Variants in ZMAT5 observed in about 807,000 individuals in gnomAD.
ZMAT5 encodes the protein zinc finger matrin-type 5.
In ZMAT5, 23 loss-of-function variants were observed where a neutral mutation model predicts 28.0. The observed-to-expected ratio is 0.82, with a 90% CI of 0.59 to 1.16. The LOEUF (loss-of-function observed/expected upper bound fraction) is 1.16. ZMAT5 is among the 50% of genes most tolerant of loss of function. The pLI is 0.00. For missense variants in ZMAT5, 173 were observed against 212.7 expected (o/e 0.81, Z 1.16); for synonymous variants, 76 against 84.1 (o/e 0.90, Z 0.52).
intron 5 of ZMAT5, among the ~76,000 whole-genome samples, chr22:29,735,707 T>G (rs1347464401): frequency 1.3e-5 from 2 of 152,154 alleles, no homozygotes; most frequent in Non-Finnish European, 2.9e-5. Flanking sequence ...GGTGCCAATC[T>G]CCCTGAATGC....
chr22:29,756,908 G>A (rs1193334708), intron 1 of ZMAT5, among the ~76,000 whole-genome samples: 2 of 152,094 alleles, frequency 1.3e-5, no homozygotes, highest in African/African-American at 4.8e-5. Context: ...GCATGATGGT[G>A]CATGCCTGTA....
At position 29,740,796 on chromosome 22, in the gene ZMAT5, C is replaced by G; in HGVS notation, c.191-66G>C. 4 of 1,429,696 alleles carry G rather than the reference C, an allele frequency of 2.8e-6. 1 individual carries two copies. The South Asian group carries it at 4.9e-5, about 17-fold the overall frequency. The allele number at this position is 1,429,696 out of a possible 1,614,324, so 88.6% of individuals were successfully genotyped here. ...CTCCCCACAGGGGCTGAGGGGTGCCCAGATGAGGGATCCCAGAATCTTAGG... is the reference window on the plus strand; with the variant it reads ...CTCCCCACAGGGGCTGAGGGGTGCCGAGATGAGGGATCCCAGAATCTTAGG... On this transcript the variant is annotated intron_variant, in intron 3 of 5. Transcript: ENST00000344318.
intron 2 of ZMAT5, among the ~76,000 whole-genome samples, chr22:29,745,905 T>C (rs1014465737): frequency 3.3e-5 from 5 of 152,240 alleles, no homozygotes; most frequent in African/African-American, 1.2e-4. Flanking sequence ...AAAGAGGTCA[T>C]GTGCCAGCTT....
chr22:29,762,486 G>A (rs953840087), intron 1 of ZMAT5, among the ~76,000 whole-genome samples: 2 of 152,110 alleles, frequency 1.3e-5, no homozygotes, highest in Non-Finnish European at 2.9e-5. Context: ...CCTGAGCTTC[G>A]TCTCCTGTCA....
chr22:29,748,479 C>T lies in ZMAT5; in HGVS notation c.66G>A (p.Lys22=). 6.2e-7 allele frequency: 1 copy of T among 1,614,254 alleles called. No homozygotes were observed. The highest frequency in any genetic ancestry group is 8.5e-7 in the Non-Finnish European group (1 of 1,180,038). ...GGTGCTGCAGCCCGTTCAGGTGCTT[C>T]TTGCGGTTGTGGAGGTTGTCCTGGA... is the stretch of plus-strand genomic sequence containing the variant. The part of the protein sequence containing the change: ...RSFQDNLHNR[K]KHLNGLQHLK... Residue 22 remains lysine, a synonymous_variant, in exon 2 of 6, where the codon AAG becomes AAA. Transcript: ENST00000344318.
intron 5 of ZMAT5, among the ~76,000 whole-genome samples, chr22:29,733,583 A>T (rs1418923894): frequency 1.3e-5 from 2 of 152,178 alleles, no homozygotes; most frequent in African/African-American, 4.8e-5. Flanking sequence ...GAGATTTCAT[A>T]AACTCCACCA....
At chr22:29,752,860 AC>A (rs2068067046) in intron 1 of ZMAT5, among the ~76,000 whole-genome samples, 1 of 151,998 alleles carries the variant, frequency 6.6e-6, no homozygotes, top group South Asian at 2.1e-4. Context: ...CTTTCTATCT[AC>A]CTGTCACAGA....
intron 4 of ZMAT5, among the ~76,000 whole-genome samples, chr22:29,739,212 A>AT (rs2067938200): frequency 6.6e-6 from 1 of 151,498 alleles, no homozygotes; most frequent in Non-Finnish European, 1.5e-5. Flanking sequence ...TGCTCAACGA[A>AT]TTAAAACCAA....
At chr22:29,762,142 A>G (rs2068163298) in intron 1 of ZMAT5, among the ~76,000 whole-genome samples, 1 of 152,248 alleles carries the variant, frequency 6.6e-6, no homozygotes, top group Non-Finnish European at 1.5e-5. Context: ...AATCAAATAT[A>G]TTAAATTTAC....
At chr22:29,744,892 C>A (rs1230580729) in intron 2 of ZMAT5, among the ~76,000 whole-genome samples, 2 of 152,236 alleles carry the variant, frequency 1.3e-5, no homozygotes, top group Non-Finnish European at 2.9e-5. Flanking sequence ...CACGAGGAAG[C>A]CCATGCTCTT....
At chr22:29,734,827 CGCCCCA>C (rs140109) in intron 5 of ZMAT5, among the ~76,000 whole-genome samples, 84,445 of 151,206 alleles carry the variant, frequency 0.56, 23,787 homozygotes, top group East Asian at 0.61. Context: ...GAGGGTCCCC[CGCCCCA>C]GCCCCAGCCC....
At chr22:29,744,636 T>C (rs1357265611) in intron 2 of ZMAT5, among the ~76,000 whole-genome samples, 1 of 152,108 alleles carries the variant, frequency 6.6e-6, no homozygotes, top group African/African-American at 2.4e-5. Context: ...CTGGGTCCTA[T>C]ACAAGGGGCT....
intron 2 of ZMAT5, chr22:29,747,734 C>T (rs1397370294): frequency 6.3e-6 from 1 of 159,032 alleles, no homozygotes; most frequent in Non-Finnish European, 1.4e-5. Context: ...CACTTCCGAC[C>T]TTAGCTCATT....
At chr22:29,738,248 T>C (rs577937396) in intron 5 of ZMAT5, 82 bp downstream of exon 5, 1 of 1,333,008 alleles carries the variant, frequency 7.5e-7, no homozygotes, top group South Asian at 1.2e-5. Context: ...TTCATGGAGA[T>C]TCCTGAGCCT....
At chr22:29,755,332 AGAG>A (rs1250993281) in intron 1 of ZMAT5, among the ~76,000 whole-genome samples, 18 of 42,908 alleles carry the variant, frequency 4.2e-4, no homozygotes, top group Admixed American at 2.6e-3. Flanking sequence ...GAAAGGAGAG[AGAG>A]AGAGAGGGAG....
In ZMAT5 at chr22:29,748,627, A is replaced by C. The variant is rs552719947; in HGVS notation, c.-27-56T>G. 3.9e-4 allele frequency: 623 copies of C among 1,592,148 alleles called. 1 individual carries two copies. The highest frequency in any genetic ancestry group is 3.5e-4 in the Non-Finnish European group (413 of 1,169,374). On this transcript the variant is annotated intron_variant, in intron 1 of 5. Coordinates refer to ENST00000344318, the MANE Select transcript of ZMAT5 (RefSeq NM_001003692.2). ...CATTGGAGAAAACACATCCCTCACC[A>C]GCCCACTGAATGCTTCCTGAGGGCC...
chr22:29,731,132 A>G lies in ZMAT5; in HGVS notation c.*93T>C. ...AGTGAGGCTGGGCAGATGGTCTCGG[A>G]GCCTCCATGGGGCGTAGCAGGAACC... On this transcript the variant is annotated 3_prime_UTR_variant, in exon 6 of 6. Transcript: ENST00000344318. The G allele has an allele frequency of 7.4e-7, 1 of 1,345,264 alleles. No homozygotes were observed. Among genetic ancestry groups the G allele is most frequent in the South Asian group, 1.8e-5 (1 of 56,332 alleles). The allele number at this position is 1,345,264 out of a possible 1,614,324, so 83.3% of individuals were successfully genotyped here. A position where few individuals can be genotyped will look rare whatever the true frequency, so the allele number is the denominator to read the frequency against.
Position 29,738,321 on chromosome 22 carries a change from G to A in ZMAT5, c.383+9C>T, listed in dbSNP as rs1245384611. 2 of 1,607,456 alleles carry A rather than the reference G, an allele frequency of 1.2e-6. No individual in the cohort carries two copies. The highest frequency in any genetic ancestry group is 4.5e-5 in the East Asian group (2 of 44,820). On this transcript the variant is annotated intron_variant, in intron 5 of 5. Transcript: ENST00000344318. ...GGGCACAGCGGGAGGGAACCCTGGG[G>A]ACCTGTACCTGCTACTTGGGGCTGA...
chr22:29,740,712 G>A lies in ZMAT5; in HGVS notation c.209C>T (p.Ser70Phe), dbSNP rs145672061. The stretch of plus-strand genomic sequence containing the variant: ...TGACATGTGGGAAAATCTGCAGTTG[G>A]AGCCAAAGTCGCACTGGCCTGCAGC... Reference protein sequence around the residue: ...FLLTGQCDFGSNCRFSHMSER... With the variant: ...FLLTGQCDFGFNCRFSHMSER... The change falls in exon 4 of 6, where the codon TCC (serine) becomes TTC (phenylalanine). Residue 70 changes from serine (S) to phenylalanine (F), a missense_variant. Ser to Phe is a radical substitution (Grantham distance 155, BLOSUM62 -2). Transcript: ENST00000344318. 4.4e-6 allele frequency: 7 copies of A among 1,600,588 alleles called. No individual in the cohort carries two copies. Among genetic ancestry groups the A allele is most frequent in the African/African-American group, 1.3e-5 (1 of 74,858 alleles).
Sources: gnomAD v4.1 joint callset for allele counts (sites outside exome capture counted in the v4.1 genomes callset) on GRCh38, gnomAD v4.1.1 for gene constraint, MANE v1.5 for transcripts, NCBI Gene and HGNC (gene_info 2026-07-23, HGNC 2026-07-21) for gene names.